DPYD: variants seen among roughly 807,000 people sequenced by gnomAD.
DPYD encodes dihydropyrimidine dehydrogenase, also known as dihydropyrimidine dehydrogenase [NADP(+)].
DPYD carries 109 observed loss-of-function variants against 116.2 expected under a neutral mutation model. The ratio of observed to expected loss-of-function variants is 0.94; its 90% CI spans 0.80 to 1.10. The LOEUF is 1.10. Among genes scored for constraint, DPYD ranks in the 50% least tolerant of loss-of-function variants. DPYD has a pLI of 0.00. For synonymous variants in DPYD, 440 were observed against 432.0 expected (o/e 1.02, Z -0.23); for missense variants, 1,302 against 1,254.5 (o/e 1.04, Z -0.57).
chr1:97,170,325 A>G (rs753804417), intron 20 of DPYD, among the ~76,000 whole-genome samples: 10 of 152,176 alleles, frequency 6.6e-5, no homozygotes, highest in Non-Finnish European at 1.3e-4. Context: ...GGTACCCTGG[A>G]CAGTAATAAG....
At chr1:97,373,377 G>A (rs568319348) in intron 16 of DPYD, among the ~76,000 whole-genome samples, 184 bp downstream of exon 16, 7 of 152,286 alleles carry the variant, frequency 4.6e-5, no homozygotes, top group African/African-American at 1.7e-4. Context: ...CTAAACAGTT[G>A]CTATAATTTC....
intron 2 of DPYD, among the ~76,000 whole-genome samples, chr1:97,863,748 C>A (rs377040561): frequency 6.6e-6 from 1 of 151,524 alleles, no homozygotes; most frequent in Admixed American, 6.6e-5. Flanking sequence ...TGGAGAGCAA[C>A]CAATTTTAAA....
At chr1:97,525,875 TGTGTGTGTGTGCGCGCGCGC>T (rs1292065666) in intron 12 of DPYD, among the ~76,000 whole-genome samples, 58 of 117,648 alleles carry the variant, frequency 4.9e-4, no homozygotes, top group African/African-American at 1.6e-3. Context: ...AGTGTGCGTG[TGTGTGTGTGTGCGCGCGCGC>T]GTGTGTGTGT....
intron 20 of DPYD, among the ~76,000 whole-genome samples, chr1:97,183,098 T>TATA (rs199837431): frequency 0.17 from 25,745 of 151,912 alleles, 2,646 homozygotes; most frequent in Middle Eastern, 0.27. Context: ...TCCAAGACAT[T>TATA]TTTCCTTTCC....
intron 12 of DPYD, among the ~76,000 whole-genome samples, chr1:97,520,293 A>G (rs974959071): frequency 8.5e-5 from 13 of 152,182 alleles, no homozygotes; most frequent in African/African-American, 3.1e-4. Flanking sequence ...CCAATAGTTC[A>G]TCACACTGTT....
intron 16 of DPYD, among the ~76,000 whole-genome samples, chr1:97,358,077 A>C (rs540253833): frequency 5.3e-5 from 8 of 152,316 alleles, no homozygotes; most frequent in South Asian, 2.1e-4. Context: ...TGGCACCTGG[A>C]AAACCAGGAC....
chr1:97,904,168 A>G (rs1389488178), intron 1 of DPYD, among the ~76,000 whole-genome samples: 1 of 151,958 alleles, frequency 6.6e-6, no homozygotes, highest in Admixed American at 6.6e-5. Context: ...GAATAGAACC[A>G]CTATTCCACA....
chr1:97,512,691 A>T (rs1161166494), intron 13 of DPYD, among the ~76,000 whole-genome samples: 2 of 151,842 alleles, frequency 1.3e-5, no homozygotes, highest in Non-Finnish European at 2.9e-5. Flanking sequence ...TCTTAAACAG[A>T]TCACTTCTCT....
At chr1:97,905,135 T>G (rs902357741) in intron 1 of DPYD, among the ~76,000 whole-genome samples, 11 of 152,020 alleles carry the variant, frequency 7.2e-5, no homozygotes, top group Non-Finnish European at 1.6e-4. Flanking sequence ...AACTGAGAAC[T>G]AGACTAGAAT....
At chr1:97,758,563 T>C (rs1372157423) in intron 3 of DPYD, among the ~76,000 whole-genome samples, 1 of 152,122 alleles carries the variant, frequency 6.6e-6, no homozygotes, top group Non-Finnish European at 1.5e-5. Flanking sequence ...GCAGTAAAAA[T>C]GATAAAATAT....
At chr1:97,754,741 A>T (rs1057003846) in intron 3 of DPYD, among the ~76,000 whole-genome samples, 3 of 152,168 alleles carry the variant, frequency 2.0e-5, no homozygotes, top group Non-Finnish European at 4.4e-5. Context: ...CAGATAAATA[A>T]ATGCCCATCC....
chr1:97,544,255 T>C (rs1650656169), intron 12 of DPYD, among the ~76,000 whole-genome samples: 1 of 152,308 alleles, frequency 6.6e-6, no homozygotes, highest in East Asian at 1.9e-4. Context: ...ACTTTGTCTA[T>C]ATGTACCTTG....
chr1:97,680,976 CAA>C (rs1660399638), intron 7 of DPYD, among the ~76,000 whole-genome samples: 2 of 152,082 alleles, frequency 1.3e-5, no homozygotes. Context: ...TTCCTAAAAA[CAA>C]AGCCCTTAAG....
chr1:97,789,136 C>A (rs1667190358), intron 3 of DPYD, among the ~76,000 whole-genome samples: 1 of 152,136 alleles, frequency 6.6e-6, no homozygotes, highest in African/African-American at 2.4e-5. Flanking sequence ...AAGAAATAAC[C>A]TGCACTGGGG....
At chr1:97,880,550 A>C (rs945594291) in intron 2 of DPYD, among the ~76,000 whole-genome samples, 2 of 151,806 alleles carry the variant, frequency 1.3e-5, no homozygotes, top group African/African-American at 4.8e-5. Flanking sequence ...GAAATTCATG[A>C]ATGTCACAGA....
At chr1:97,266,329 A>G (rs1345137701) in intron 18 of DPYD, among the ~76,000 whole-genome samples, 1 of 152,188 alleles carries the variant, frequency 6.6e-6, no homozygotes, top group Non-Finnish European at 1.5e-5. Flanking sequence ...TCATCTATTA[A>G]GAGAAGATAC....
At chr1:97,816,624 C>A (rs1668623157) in intron 3 of DPYD, among the ~76,000 whole-genome samples, 1 of 152,098 alleles carries the variant, frequency 6.6e-6, no homozygotes, top group Non-Finnish European at 1.5e-5. Flanking sequence ...TATACTGTTT[C>A]ATAATGTAAA....
chr1:97,745,658 C>T (rs144042946), intron 3 of DPYD, among the ~76,000 whole-genome samples: 64 of 152,174 alleles, frequency 4.2e-4, no homozygotes, highest in African/African-American at 1.5e-3. Context: ...ATTCCATACA[C>T]ATTATTTATC....
chr1:97,627,103 A>C (rs1398287194), intron 8 of DPYD, among the ~76,000 whole-genome samples: 1 of 151,908 alleles, frequency 6.6e-6, no homozygotes, highest in African/African-American at 2.4e-5. Context: ...CCAGTTCATG[A>C]GGGCTCCACT....
Sources: allele counts gnomAD v4.1 joint callset (sites outside exome capture counted in the v4.1 genomes callset), GRCh38; gene constraint gnomAD v4.1.1; transcripts MANE v1.5; gene names NCBI Gene and HGNC (gene_info 2026-07-23, HGNC 2026-07-21).